SRPK2: variants seen among roughly 807,000 people sequenced by gnomAD.
SRPK2 encodes the protein SFRS protein kinase 2.
In SRPK2, 21 loss-of-function variants were observed where a neutral mutation model predicts 90.8. The observed-to-expected ratio is 0.23, with a 90% CI of 0.16 to 0.33. SRPK2 has a LOEUF of 0.33. Ranked by LOEUF, SRPK2 falls within the 10% of genes least tolerant of loss-of-function variation. SRPK2 has a pLI of 1.00. For synonymous variants in SRPK2, 288 were observed against 311.1 expected (o/e 0.93, Z 0.78); for missense variants, 620 against 869.0 (o/e 0.71, Z 3.60).
chr7:105,246,818 G>C (rs150748214), intron 2 of SRPK2, among the ~76,000 whole-genome samples: 3 of 152,302 alleles, frequency 2.0e-5, no homozygotes, highest in East Asian at 1.9e-4. Flanking sequence ...CCAGCAGTTA[G>C]TGACAGCAAT....
intron 2 of SRPK2, among the ~76,000 whole-genome samples, chr7:105,238,012 A>C (rs1359899083): frequency 6.6e-6 from 1 of 152,228 alleles, no homozygotes; most frequent in East Asian, 1.9e-4. Flanking sequence ...AAGGCAAGGC[A>C]TATATCTAAA....
intron 2 of SRPK2, among the ~76,000 whole-genome samples, chr7:105,251,072 C>A (rs984221265): frequency 3.9e-5 from 6 of 152,160 alleles, no homozygotes; most frequent in Admixed American, 2.0e-4. Flanking sequence ...ACTCATTACA[C>A]CCAAACACAA....
intron 2 of SRPK2, among the ~76,000 whole-genome samples, chr7:105,261,119 T>C (rs74357717): frequency 0.015 from 2,341 of 151,638 alleles, 73 homozygotes; most frequent in African/African-American, 0.054. Context: ...TAAATGACTA[T>C]GCTTTAATGT....
rs147632157 is a variant in SRPK2, at chr7:105,370,230, A to G, written c.71+18418T>C. ...ATCTTATCTCTACTACATCTCAATG[A>G]AACTTCGGCTTCCTGGGGATGTTTA... On this transcript the variant is annotated intron_variant, in intron 2 of 15. Transcript: ENST00000393651. Among the ~76,000 whole-genome samples the G allele has an allele frequency of 3.6e-3, 544 of 152,246 alleles. 1 individual carries two copies. Among genetic ancestry groups the G allele is most frequent in the Middle Eastern group, 6.8e-3 (2 of 294 alleles).
intron 2 of SRPK2, among the ~76,000 whole-genome samples, chr7:105,312,924 T>C (rs1585661064): frequency 6.6e-6 from 1 of 152,144 alleles, no homozygotes; most frequent in African/African-American, 2.4e-5. Context: ...AGGCATGAGA[T>C]ACCACACCAG....
At position 105,265,405 on chromosome 7, in the gene SRPK2, T is replaced by C. The variant is rs138651468; in HGVS notation, c.72-61620A>G. Among the ~76,000 whole-genome samples, 669 of 152,292 alleles carry C rather than the reference T, an allele frequency of 4.4e-3. 6 individuals carry two copies. The highest frequency in any genetic ancestry group is 0.015 in the African/African-American group (625 of 41,554). ...CAGGTTATGTGCAAATACTATACCA[T>C]TTTACATGAAGGACTTGAGCATCTG... On this transcript the variant is annotated intron_variant, in intron 2 of 15. Transcript: ENST00000393651.
chr7:105,325,204 TA>T (rs1249472968), intron 2 of SRPK2, among the ~76,000 whole-genome samples: 1 of 152,106 alleles, frequency 6.6e-6, no homozygotes, highest in Admixed American at 6.6e-5. Context: ...ACCTCACCAC[TA>T]AAGAGCACCT....
intron 2 of SRPK2, among the ~76,000 whole-genome samples, chr7:105,230,870 T>G (rs764563879): frequency 6.6e-6 from 1 of 152,244 alleles, no homozygotes. Flanking sequence ...CAAAAATCAT[T>G]GTTTATGACA....
At chr7:105,156,757 A>G (rs929427593) in intron 7 of SRPK2, among the ~76,000 whole-genome samples, 9 of 151,968 alleles carry the variant, frequency 5.9e-5, no homozygotes, top group African/African-American at 2.2e-4. Flanking sequence ...TCCCACCTCA[A>G]CCTTCCAAAG....
chr7:105,369,015 T>C (rs1819398883), intron 2 of SRPK2, among the ~76,000 whole-genome samples: 1 of 151,740 alleles, frequency 6.6e-6, no homozygotes, highest in African/African-American at 2.4e-5. Flanking sequence ...AGCACCCCAA[T>C]GGACAAGGGG....
intron 2 of SRPK2, among the ~76,000 whole-genome samples, chr7:105,272,943 G>A (rs773988253): frequency 3.9e-5 from 6 of 152,052 alleles, no homozygotes; most frequent in Non-Finnish European, 8.8e-5. Context: ...GGCCGGGCGC[G>A]GTGGCTCACG....
At chr7:105,255,268 G>C (rs1431944133) in intron 2 of SRPK2, among the ~76,000 whole-genome samples, 2 of 151,668 alleles carry the variant, frequency 1.3e-5, no homozygotes, top group Non-Finnish European at 2.9e-5. Context: ...CTGTCAAGAA[G>C]CTTAAAGCCA....
chr7:105,200,383 GA>G (rs1795400218), intron 3 of SRPK2, among the ~76,000 whole-genome samples: 1 of 152,070 alleles, frequency 6.6e-6, no homozygotes, highest in Non-Finnish European at 1.5e-5. Flanking sequence ...GGGCTCCTAA[GA>G]ACAAAATTTG....
chr7:105,346,947 G>T (rs1467106902), intron 2 of SRPK2, among the ~76,000 whole-genome samples: 1 of 151,162 alleles, frequency 6.6e-6, no homozygotes, highest in Non-Finnish European at 1.5e-5. Flanking sequence ...TGAAAATCAA[G>T]GACTTACTAA....
chr7:105,381,887 GCTGGGC>G (rs1461457480), intron 2 of SRPK2, among the ~76,000 whole-genome samples: 1 of 152,188 alleles, frequency 6.6e-6, no homozygotes, highest in Non-Finnish European at 1.5e-5. Flanking sequence ...GTCTCACCAA[GCTGGGC>G]ACGGTGGCTC....
At chr7:105,155,033 T>C (rs372646551) in intron 7 of SRPK2, among the ~76,000 whole-genome samples, 51 of 147,750 alleles carry the variant, frequency 3.5e-4, no homozygotes, top group African/African-American at 1.2e-3. Context: ...CAGGCTGGAG[T>C]GCAATGGCAC....
At position 105,203,751 on chromosome 7, in the gene SRPK2, G is replaced by A. The variant is rs1563077804; in HGVS notation, c.106C>T (p.Pro36Ser). The A allele has an allele frequency of 1.9e-6, 3 of 1,604,220 alleles. No individual in the cohort carries two copies. Among genetic ancestry groups the A allele is most frequent in the Admixed American group, 1.7e-5 (1 of 58,240 alleles). Residue 36 changes from proline (P) to serine (S), a missense_variant, in exon 3 of 16, where the codon CCT becomes TCT. Around this residue, in one of 8 missense-constraint regions of SRPK2, gnomAD observed 56 missense variants for 49.6 expected, o/e 1.13. Transcript: ENST00000393651. ...GGTGGTGGTGGTGGCGGTGGAGGAG[G>A]AGGAACTAAAGGAGCTTTCTGTTGA... ...EPQQKAPLVP[P>S]PPPPPPPPPP... is the part of the protein sequence containing the mutation.
intron 14 of SRPK2, 45 bp from the exon 15 acceptor site, chr7:105,126,385 G>C: frequency 1.5e-6 from 2 of 1,359,754 alleles, no homozygotes; most frequent in Non-Finnish European, 2.1e-6. Context: ...GAGGGGCAAA[G>C]GGAAGGATGG....
intron 2 of SRPK2, among the ~76,000 whole-genome samples, chr7:105,314,693 T>C (rs1812118529): frequency 6.6e-6 from 1 of 152,224 alleles, no homozygotes; most frequent in Non-Finnish European, 1.5e-5. Flanking sequence ...CCAAAACATA[T>C]TTTGTAAATG....
Sources: allele counts gnomAD v4.1 joint callset (sites outside exome capture counted in the v4.1 genomes callset), GRCh38; gene constraint gnomAD v4.1.1; regional missense constraint gnomAD v4.1.1; transcripts MANE v1.5; gene names NCBI Gene and HGNC (gene_info 2026-07-23, HGNC 2026-07-21).